The following GARIN2 variants were observed in gnomAD, a reference collection of about 807,000 sequenced individuals.
The protein encoded by GARIN2 is golgi associated RAB2 interactor family member 2, also known as Golgi-associated RAB2 interactor protein 2.
At chr14:67,199,225 G>A in the GARIN2 span, 1 of 1,605,618 alleles carries the variant, frequency 6.2e-7, no homozygotes, top group Middle Eastern at 1.7e-4. Flanking sequence ...CAGCACCAAG[G>A]CTATGACTTT....
At chr14:67,204,490 G>A in the GARIN2 span, 60 of 1,531,178 alleles carry the variant, frequency 3.9e-5, no homozygotes, top group Non-Finnish European at 3.9e-5. Context: ...CTTTTTATAA[G>A]CCTCCCATCA....
chr14:67,224,399 C>A, the GARIN2 span, among the ~76,000 whole-genome samples: 1 of 151,886 alleles, frequency 6.6e-6, no homozygotes, highest in Non-Finnish European at 1.5e-5. Context: ...GCTGGGACTA[C>A]AGATGCGTGC....
At chr14:67,223,759 A>G in the GARIN2 span, 4 of 984,748 alleles carry the variant, frequency 4.1e-6, no homozygotes, top group South Asian at 4.7e-5. Flanking sequence ...TTAGGCTTGT[A>G]TAGTTTTTCA....
the GARIN2 span, among the ~76,000 whole-genome samples, chr14:67,194,117 C>T: frequency 0.19 from 29,285 of 151,816 alleles, 4,526 homozygotes; most frequent in East Asian, 0.44. Flanking sequence ...AATCCTAGCA[C>T]TTTGGGAGGC....
the GARIN2 span, among the ~76,000 whole-genome samples, chr14:67,218,577 G>C: frequency 1.3e-5 from 2 of 152,158 alleles, no homozygotes; most frequent in African/African-American, 4.8e-5. Context: ...TGCCTGTTTG[G>C]CTGGCCTGGG....
At chr14:67,199,764 C>G in the GARIN2 span, 5 of 1,540,480 alleles carry the variant, frequency 3.2e-6, no homozygotes, top group Non-Finnish European at 4.4e-6. Flanking sequence ...CTTCCTCCAC[C>G]AGGCATGCCT....
the GARIN2 span, chr14:67,225,081 C>T: frequency 6.5e-7 from 1 of 1,528,834 alleles, no homozygotes; most frequent in Non-Finnish European, 8.8e-7. Context: ...TTGATCTCTC[C>T]TTTACTTTCC....
At chr14:67,226,917 C>A in the GARIN2 span, among the ~76,000 whole-genome samples, 1 of 152,066 alleles carries the variant, frequency 6.6e-6, no homozygotes, top group Admixed American at 6.5e-5. Flanking sequence ...CGTGCTGGCT[C>A]CTACATCCAC....
the GARIN2 span, chr14:67,205,126 G>A: frequency 2.8e-4 from 420 of 1,517,038 alleles, 1 homozygote; most frequent in Admixed American, 7.6e-4. Flanking sequence ...TTTAATAATC[G>A]AGAACTAGAG....
chr14:67,201,028 G>A, the GARIN2 span, among the ~76,000 whole-genome samples: 1 of 152,194 alleles, frequency 6.6e-6, no homozygotes, highest in Admixed American at 6.5e-5. Context: ...GGGTGCAGTG[G>A]CTCATGGCTA....
the GARIN2 span, chr14:67,204,970 G>A: frequency 2.5e-6 from 4 of 1,585,942 alleles, no homozygotes; most frequent in Non-Finnish European, 2.6e-6. Flanking sequence ...AATTGTCACA[G>A]AAGTCATAGA....
At chr14:67,199,065 GCTACCAGGCCGAT>G in the GARIN2 span, 1 of 842,106 alleles carries the variant, frequency 1.2e-6, no homozygotes, top group East Asian at 2.5e-5. Context: ...TTTTGCCATG[GCTACCAGGCCGAT>G]CTCCGAGCGG....
the GARIN2 span, among the ~76,000 whole-genome samples, chr14:67,210,153 T>C: frequency 1.3e-5 from 2 of 152,188 alleles, no homozygotes; most frequent in Non-Finnish European, 2.9e-5. Flanking sequence ...AAATAACTTA[T>C]TTGAATGTAG....
chr14:67,200,078 G>A, the GARIN2 span: 1 of 974,060 alleles, frequency 1.0e-6, no homozygotes, highest in East Asian at 2.5e-5. Flanking sequence ...CCACCACCTG[G>A]AATGCCTTAT....
chr14:67,208,185 G>A, the GARIN2 span: 1 of 1,612,348 alleles, frequency 6.2e-7, no homozygotes, highest in Non-Finnish European at 8.5e-7. Context: ...ATTTGCTGCT[G>A]CTTTTTATTT....
At chr14:67,216,366 T>C in the GARIN2 span, among the ~76,000 whole-genome samples, 1 of 152,122 alleles carries the variant, frequency 6.6e-6, no homozygotes, top group Non-Finnish European at 1.5e-5. Context: ...TCACGTTTTG[T>C]TAATATTTTG....
At chr14:67,213,294 C>A in the GARIN2 span, among the ~76,000 whole-genome samples, 21 of 144,802 alleles carry the variant, frequency 1.5e-4, no homozygotes, top group African/African-American at 4.8e-4. Context: ...AGGTATATCT[C>A]CTAAGGCTAT....
chr14:67,198,852 C>A, the GARIN2 span: 1 of 613,284 alleles, frequency 1.6e-6, no homozygotes, highest in South Asian at 1.6e-5. Context: ...AATATTCAGA[C>A]AAAGAAATGG....
the GARIN2 span, among the ~76,000 whole-genome samples, chr14:67,195,216 C>T: frequency 1.3e-5 from 2 of 152,228 alleles, no homozygotes; most frequent in South Asian, 2.1e-4. Context: ...ACTTTCTGCT[C>T]CTCAGCTAAC....
Sources: gnomAD v4.1 joint callset for allele counts (sites outside exome capture counted in the v4.1 genomes callset) on GRCh38, gnomAD v4.1.1 for gene constraint, MANE v1.5 for transcripts, NCBI Gene and HGNC (gene_info 2026-07-23, HGNC 2026-07-21) for gene names.